The following ADGRV1 variants were observed in gnomAD, a reference collection of about 807,000 sequenced individuals.
ADGRV1 encodes G-protein coupled receptor 98.
A neutral mutation model predicts 596.2 loss-of-function variants in ADGRV1; 359 were observed. The ratio of observed to expected loss-of-function variants is 0.60; its 90% CI spans 0.55 to 0.66. The LOEUF (loss-of-function observed/expected upper bound fraction) is 0.66. ADGRV1 is among the 30% of genes least tolerant of loss of function. The pLI is 0.00. For synonymous variants in ADGRV1, 2,681 were observed against 2,679.2 expected (o/e 1.00, Z -0.02); for missense variants, 7,274 against 7,575.6 (o/e 0.96, Z 1.48).
chr5:90,734,461 A>G (rs1355899248), intron 50 of ADGRV1, among the ~76,000 whole-genome samples: 1 of 151,864 alleles, frequency 6.6e-6, no homozygotes, highest in African/African-American at 2.4e-5. Flanking sequence ...GTGTGAGGTG[A>G]TAGCTTATTT....
At chr5:90,818,566 C>G (rs1487404600) in intron 75 of ADGRV1, among the ~76,000 whole-genome samples, 1 of 150,990 alleles carries the variant, frequency 6.6e-6, no homozygotes, top group Non-Finnish European at 1.5e-5. Context: ...ATAGATAGCT[C>G]TTATTATTTT....
At chr5:91,037,025 A>C (rs1315448462) in intron 85 of ADGRV1, among the ~76,000 whole-genome samples, 2 of 152,194 alleles carry the variant, frequency 1.3e-5, no homozygotes, top group Admixed American at 1.3e-4. Context: ...AGATATGAAC[A>C]TTCTGGGTCA....
chr5:90,671,568 T>C (rs1233728830), intron 21 of ADGRV1, among the ~76,000 whole-genome samples: 1 of 152,244 alleles, frequency 6.6e-6, no homozygotes. Context: ...TCGACTATTG[T>C]CGGTTTGTAG....
Position 90,654,684 on chromosome 5 carries a change from C to G in ADGRV1, c.4378+732C>G, listed in dbSNP as rs951213698. 19 of 152,216 alleles carry G rather than the reference C, an allele frequency of 1.2e-4. 1 individual carries two copies. Among genetic ancestry groups the G allele is most frequent in the African/African-American group, 4.6e-4 (19 of 41,546 alleles). The allele number at this position is 152,216 out of a possible 1,614,324, so 9.4% of individuals were successfully genotyped here. On this transcript the variant is annotated intron_variant, in intron 20 of 89. Transcript: ENST00000405460. ...TAGAGTAGAGCTTATATGGCTATAGCTTAATAGAGTATTTTCCTCTGAACC... is the reference window on the plus strand; with the variant it reads ...TAGAGTAGAGCTTATATGGCTATAGGTTAATAGAGTATTTTCCTCTGAACC...
At chr5:90,744,982 G>A in intron 50 of ADGRV1, 64 bp from the exon 51 acceptor site, 1 of 1,163,110 alleles carries the variant, frequency 8.6e-7, no homozygotes, top group Non-Finnish European at 1.3e-6. Context: ...TGGAACCGAT[G>A]CAGGGAGTGT....
chr5:90,988,729 G>A (rs1390131750), intron 85 of ADGRV1, among the ~76,000 whole-genome samples: 2 of 151,706 alleles, frequency 1.3e-5, no homozygotes, highest in African/African-American at 4.8e-5. Flanking sequence ...CCATGTTGGC[G>A]TGCTGCACCC....
intron 87 of ADGRV1, among the ~76,000 whole-genome samples, chr5:91,117,165 A>G (rs1792919685): frequency 1.3e-5 from 2 of 152,204 alleles, no homozygotes; most frequent in Non-Finnish European, 2.9e-5. Context: ...TCATAGCACA[A>G]TTGATTATCA....
At chr5:90,966,530 C>CAA (rs67304974) in intron 84 of ADGRV1, among the ~76,000 whole-genome samples, 21,218 of 100,374 alleles carry the variant, frequency 0.21, 2,437 homozygotes, top group Non-Finnish European at 0.23. Context: ...GAAACTCTGC[C>CAA]AAAAAAAAAA....
At chr5:90,636,166 C>T (rs1316857536) in intron 10 of ADGRV1, among the ~76,000 whole-genome samples, 1 of 151,346 alleles carries the variant, frequency 6.6e-6, no homozygotes, top group Non-Finnish European at 1.5e-5. Flanking sequence ...CTTGCCCCCA[C>T]CCCGACATGC....
At chr5:90,775,035 A>G (rs1758079758) in intron 60 of ADGRV1, among the ~76,000 whole-genome samples, 1 of 152,136 alleles carries the variant, frequency 6.6e-6, no homozygotes, top group Non-Finnish European at 1.5e-5. Flanking sequence ...TGATATGATG[A>G]TTTGTTTTTT....
intron 83 of ADGRV1, among the ~76,000 whole-genome samples, chr5:90,913,806 G>A (rs1773112163): frequency 6.6e-6 from 1 of 152,064 alleles, no homozygotes; most frequent in South Asian, 2.1e-4. Flanking sequence ...CAACCAAAAG[G>A]CACTTTCAAG....
intron 85 of ADGRV1, among the ~76,000 whole-genome samples, chr5:90,994,913 C>T (rs1781287073): frequency 6.6e-6 from 1 of 152,166 alleles, no homozygotes; most frequent in African/African-American, 2.4e-5. Context: ...CATGTTGGGG[C>T]ATGACTTCAA....
At chr5:90,610,156 C>A (rs1437668607) in intron 1 of ADGRV1, among the ~76,000 whole-genome samples, 1 of 151,772 alleles carries the variant, frequency 6.6e-6, no homozygotes, top group African/African-American at 2.4e-5. Flanking sequence ...TTATTTGAGT[C>A]AAGATGGGAG....
chr5:91,129,472 G>A (rs1300425416), intron 87 of ADGRV1, among the ~76,000 whole-genome samples: 4 of 152,046 alleles, frequency 2.6e-5, no homozygotes, highest in African/African-American at 7.2e-5. Context: ...TATTTTGGGC[G>A]ACATCATAGA....
Position 91,163,892 on chromosome 5 carries a change from C to T in ADGRV1, c.18913C>T (p.His6305Tyr). The T allele has an allele frequency of 6.9e-7, 1 of 1,455,700 alleles. No individual in the cohort carries two copies. The highest frequency in any genetic ancestry group is 9.6e-7 in the Non-Finnish European group (1 of 1,039,468). The allele number at this position is 1,455,700 out of a possible 1,614,324, so 90.2% of individuals were successfully genotyped here. ...CAGGAGGATACCCATCGCCGACACT[C>T]ACCTGTAGCACCTCACTAACCATTC... ...ELRRIPIADT[H>Y]L The change falls in exon 90 of 90, where the codon CAC (histidine) becomes TAC (tyrosine). Residue 6305 changes from histidine (H) to tyrosine (Y), a missense_variant. His to Tyr is a moderately conservative substitution (Grantham distance 83, BLOSUM62 2). Transcript: ENST00000405460.
chr5:90,892,676 C>G (rs928959254), intron 83 of ADGRV1, among the ~76,000 whole-genome samples: 1 of 152,154 alleles, frequency 6.6e-6, no homozygotes, highest in Non-Finnish European at 1.5e-5. Context: ...TCTTCTATCT[C>G]CAGTTAGCCA....
At chr5:91,084,544 A>G (rs1789691861) in intron 86 of ADGRV1, among the ~76,000 whole-genome samples, 1 of 152,208 alleles carries the variant, frequency 6.6e-6, no homozygotes, top group Non-Finnish European at 1.5e-5. Context: ...ATCTCACGCC[A>G]GTTAGAATGG....
chr5:90,716,894 A>G (rs1452113415), intron 43 of ADGRV1, 165 bp downstream of exon 43: 2 of 548,160 alleles, frequency 3.6e-6, no homozygotes, highest in African/African-American at 1.9e-5. Flanking sequence ...CTGTAGTTCT[A>G]TTTACTCTGT....
intron 83 of ADGRV1, among the ~76,000 whole-genome samples, chr5:90,928,233 C>A (rs1281817147): frequency 2.0e-5 from 3 of 151,846 alleles, no homozygotes; most frequent in African/African-American, 4.8e-5. Flanking sequence ...GTGTTTTCCA[C>A]CTTGGTTCCA....
Sources: gnomAD v4.1 joint callset for allele counts (sites outside exome capture counted in the v4.1 genomes callset) on GRCh38, gnomAD v4.1.1 for gene constraint, MANE v1.5 for transcripts, NCBI Gene and HGNC (gene_info 2026-07-23, HGNC 2026-07-21) for gene names.